Variants in SHROOM3 observed in about 807,000 individuals in gnomAD.
The protein encoded by SHROOM3 is shroom family member 3, also known as protein Shroom3.
In SHROOM3, 47 loss-of-function variants were observed where a neutral mutation model predicts 138.6. The observed-to-expected ratio is 0.34, with a 90% CI of 0.27 to 0.43. The LOEUF (loss-of-function observed/expected upper bound fraction) is 0.43, where lower values mean the gene tolerates loss of function less well. Ranked by LOEUF, SHROOM3 falls within the 20% of genes least tolerant of loss-of-function variation. The pLI is 1.00. For synonymous variants in SHROOM3, 1,062 were observed against 1,063.3 expected (o/e 1.00, Z 0.02); for missense variants, 2,491 against 2,596.5 (o/e 0.96, Z 0.88).
intron 2 of SHROOM3, among the ~76,000 whole-genome samples, chr4:76,630,710 C>T (rs1735290976): frequency 1.3e-5 from 2 of 152,188 alleles, no homozygotes; most frequent in Admixed American, 6.5e-5. Context: ...ATGTAGGCGA[C>T]TCTGCCACGA....
chr4:76,592,438 C>T (rs1200732458), intron 2 of SHROOM3, among the ~76,000 whole-genome samples: 1 of 152,220 alleles, frequency 6.6e-6, no homozygotes, highest in Admixed American at 6.5e-5. Context: ...ATTATTACCA[C>T]TACATAGTCT....
At chr4:76,539,257 T>C (rs987063253) in intron 1 of SHROOM3, among the ~76,000 whole-genome samples, 8 of 152,186 alleles carry the variant, frequency 5.3e-5, no homozygotes, top group African/African-American at 1.9e-4. Flanking sequence ...TTGTTTTCCT[T>C]CCTTCACCTT....
intron 2 of SHROOM3, among the ~76,000 whole-genome samples, chr4:76,592,636 C>G (rs1334945737): frequency 6.6e-6 from 1 of 152,118 alleles, no homozygotes; most frequent in East Asian, 1.9e-4. Context: ...AGAAATTGGC[C>G]CTGACTAAGC....
intron 2 of SHROOM3, among the ~76,000 whole-genome samples, chr4:76,629,541 A>T (rs1735251440): frequency 1.3e-5 from 2 of 152,220 alleles, no homozygotes; most frequent in Admixed American, 6.5e-5. Context: ...GTGAGCAGAT[A>T]AGGGCAAGGC....
intron 2 of SHROOM3, among the ~76,000 whole-genome samples, chr4:76,687,542 G>T (rs547781616): frequency 2.0e-4 from 30 of 152,326 alleles, no homozygotes; most frequent in Non-Finnish European, 4.1e-4. Flanking sequence ...CTAACCCCCA[G>T]CTCATGCAGA....
chr4:76,688,618 G>A, intron 2 of SHROOM3: 10 of 985,432 alleles, frequency 1.0e-5, no homozygotes, highest in Non-Finnish European at 1.2e-5. Context: ...GTTGAAAGAG[G>A]CTGGAAGAAC....
intron 1 of SHROOM3, among the ~76,000 whole-genome samples, chr4:76,527,112 G>C (rs1191041881): frequency 2.6e-5 from 4 of 152,094 alleles, no homozygotes; most frequent in Admixed American, 1.3e-4. Context: ...AGAAAGAAGG[G>C]GGCAGGCAGG....
intron 1 of SHROOM3, among the ~76,000 whole-genome samples, chr4:76,545,329 C>A (rs988322925): frequency 2.0e-5 from 3 of 152,134 alleles, no homozygotes; most frequent in Admixed American, 6.5e-5. Flanking sequence ...GTTTATCCTA[C>A]CCTTGTGGTC....
intron 1 of SHROOM3, among the ~76,000 whole-genome samples, chr4:76,452,235 A>G (rs551901637): frequency 2.0e-5 from 3 of 152,376 alleles, no homozygotes; most frequent in Non-Finnish European, 2.9e-5. Context: ...ATAACATAAA[A>G]TTAACCATTT....
intron 2 of SHROOM3, among the ~76,000 whole-genome samples, chr4:76,672,272 G>A (rs1373521267): frequency 6.6e-6 from 1 of 152,048 alleles, no homozygotes; most frequent in East Asian, 1.9e-4. Flanking sequence ...AGAAACTAAG[G>A]TAATATTTTC....
chr4:76,570,467 C>T (rs1281311602), intron 2 of SHROOM3, among the ~76,000 whole-genome samples: 7 of 152,126 alleles, frequency 4.6e-5, no homozygotes, highest in African/African-American at 1.7e-4. Flanking sequence ...GGATTCAAGG[C>T]CCTTTCAACC....
At chr4:76,573,038 A>C (rs558360257) in intron 2 of SHROOM3, among the ~76,000 whole-genome samples, 1 of 151,712 alleles carries the variant, frequency 6.6e-6, no homozygotes, top group South Asian at 2.1e-4. Context: ...CTGAGATTGC[A>C]CCACTGCACT....
chr4:76,472,086 C>A (rs1056026610), intron 1 of SHROOM3, among the ~76,000 whole-genome samples: 13 of 152,128 alleles, frequency 8.5e-5, no homozygotes, highest in African/African-American at 3.1e-4. Flanking sequence ...GGTGCAGTTT[C>A]AGGCATATGG....
chr4:76,767,472 G>A lies in SHROOM3; in HGVS notation c.5350-3154G>A, dbSNP rs1722201260. On this transcript the variant is annotated intron_variant, in intron 9 of 10. Coordinates refer to ENST00000296043, the MANE Select transcript of SHROOM3 (RefSeq NM_020859.4). Reference sequence around the variant, plus strand: ...GGCAGGTGAATAACTGAGGTCAGGAGTTCGAGACCAGCCTGACCAACATGG... The same window carrying A: ...GGCAGGTGAATAACTGAGGTCAGGAATTCGAGACCAGCCTGACCAACATGG... Among the ~76,000 whole-genome samples, 3 of 152,330 alleles carry A rather than the reference G, an allele frequency of 2.0e-5. No homozygotes were observed. The Middle Eastern group carries it at 0.01, about 518-fold the overall frequency.
At chr4:76,540,218 T>C (rs1733070754) in intron 1 of SHROOM3, among the ~76,000 whole-genome samples, 1 of 152,216 alleles carries the variant, frequency 6.6e-6, no homozygotes, top group African/African-American at 2.4e-5. Flanking sequence ...ACACTATTGT[T>C]ATCTTCAGCA....
At chr4:76,518,508 CTTCT>C (rs1404506094) in intron 1 of SHROOM3, among the ~76,000 whole-genome samples, 2 of 19,400 alleles carry the variant, frequency 1.0e-4, no homozygotes, top group African/African-American at 3.2e-4. Context: ...TCCTTCCTTC[CTTCT>C]TTCCTTCCTT....
chr4:76,689,067 A>C (rs950291064), intron 2 of SHROOM3: 1 of 513,832 alleles, frequency 1.9e-6, no homozygotes, highest in Admixed American at 6.4e-5. Flanking sequence ...CGGGCTTCTT[A>C]AAGTTGATAT....
At chr4:76,744,931 G>T (rs1290507831) in intron 5 of SHROOM3, among the ~76,000 whole-genome samples, 1 of 152,250 alleles carries the variant, frequency 6.6e-6, no homozygotes, top group African/African-American at 2.4e-5. Flanking sequence ...TCCTCTGTAT[G>T]TGACAATCGA....
chr4:76,693,366 G>GTTTTTTTTTTTTTTTTT (rs1429298697), intron 2 of SHROOM3, among the ~76,000 whole-genome samples: 2 of 60,100 alleles, frequency 3.3e-5, no homozygotes, highest in African/African-American at 1.4e-4. Context: ...ATTTTGATAA[G>GTTTTTTTTTTTTTTTTT]TTTGTTTTTT....
Sources: gnomAD v4.1 joint callset for allele counts (sites outside exome capture counted in the v4.1 genomes callset) on GRCh38, gnomAD v4.1.1 for gene constraint, MANE v1.5 for transcripts, NCBI Gene and HGNC (gene_info 2026-07-23, HGNC 2026-07-21) for gene names.